The following SLC35F1 variants were observed in gnomAD, a reference collection of about 807,000 sequenced individuals.
The protein encoded by SLC35F1 is solute carrier family 35 member F1, also known as chromosome 6 open reading frame 169.
SLC35F1 carries 14 observed loss-of-function variants against 48.7 expected under a neutral mutation model. That is an observed-to-expected ratio of 0.29 (90% CI 0.19 to 0.45). The LOEUF (loss-of-function observed/expected upper bound fraction) is 0.45, where lower values mean the gene tolerates loss of function less well. Among genes scored for constraint, SLC35F1 ranks in the 20% least tolerant of loss-of-function variants. SLC35F1 has a pLI of 1.00. For missense variants in SLC35F1, 404 were observed against 500.0 expected (o/e 0.81, Z 1.83); for synonymous variants, 190 against 202.2 (o/e 0.94, Z 0.51).
At chr6:118,160,855 AT>A (rs2114479382) in intron 2 of SLC35F1, among the ~76,000 whole-genome samples, 1 of 152,210 alleles carries the variant, frequency 6.6e-6, no homozygotes, top group South Asian at 2.1e-4. Flanking sequence ...GGCATTTTAA[AT>A]AAAAATTCTT....
chr6:118,087,052 A>G (rs1372651310), intron 1 of SLC35F1, among the ~76,000 whole-genome samples: 2 of 152,100 alleles, frequency 1.3e-5, no homozygotes, highest in African/African-American at 2.4e-5. Flanking sequence ...GGGGCCCTGT[A>G]TTGCCTTGTT....
rs182027322 is a variant in SLC35F1 at position 117,965,386 on chromosome 6, A to G, written c.173+57487A>G. On this transcript the variant is annotated intron_variant, in intron 1 of 7. Coordinates refer to ENST00000360388, the MANE Select transcript of SLC35F1 (RefSeq NM_001029858.4). ...TTGAGCTACTGGCAAGCCTTTTTTC[A>G]GGCCTACCATCTCTCCTCAGTTCTT... 2.6e-3 allele frequency among the ~76,000 whole-genome samples: 397 copies of G among 152,312 alleles called. 1 individual carries two copies. Among genetic ancestry groups the G allele is most frequent in the Admixed American group, 5.6e-3 (85 of 15,304 alleles).
intron 3 of SLC35F1, among the ~76,000 whole-genome samples, chr6:118,238,426 AAATAAT>A (rs67710305): frequency 0.011 from 1,598 of 144,432 alleles, 29 homozygotes; most frequent in African/African-American, 0.034. Context: ...CCCATCTCTA[AAATAAT>A]AATAATAATA....
At chr6:118,134,400 A>G (rs1773762116) in intron 1 of SLC35F1, among the ~76,000 whole-genome samples, 2 of 152,190 alleles carry the variant, frequency 1.3e-5, no homozygotes, top group South Asian at 4.1e-4. Context: ...GGAATTAGAA[A>G]TGTTGGCTGC....
chr6:118,175,204 TTAAAG>T (rs71797344), intron 2 of SLC35F1, among the ~76,000 whole-genome samples: 53 of 152,246 alleles, frequency 3.5e-4, no homozygotes, highest in African/African-American at 1.2e-3. Flanking sequence ...GAAAGTAAAA[TTAAAG>T]TAAAGTCAAA....
chr6:118,146,238 T>C (rs969409659), intron 1 of SLC35F1, among the ~76,000 whole-genome samples: 1 of 152,224 alleles, frequency 6.6e-6, no homozygotes, highest in Non-Finnish European at 1.5e-5. Flanking sequence ...TTCTAACTAA[T>C]GGAATGAGCA....
chr6:118,272,172 T>C (rs1775859319), intron 4 of SLC35F1, among the ~76,000 whole-genome samples: 1 of 152,172 alleles, frequency 6.6e-6, no homozygotes, highest in Non-Finnish European at 1.5e-5. Context: ...AATATACAGC[T>C]GAGTGAGCCA....
intron 2 of SLC35F1, among the ~76,000 whole-genome samples, chr6:118,205,730 T>C (rs1301037114): frequency 1.3e-5 from 2 of 152,104 alleles, no homozygotes; most frequent in African/African-American, 4.8e-5. Flanking sequence ...TAGCCAAAGG[T>C]GGAAACAAGT....
intron 1 of SLC35F1, among the ~76,000 whole-genome samples, chr6:117,921,342 C>A (rs1775896247): frequency 6.6e-6 from 1 of 152,238 alleles, no homozygotes; most frequent in Non-Finnish European, 1.5e-5. Context: ...AGAACAGTCA[C>A]CCCGTAAGGG....
chr6:117,982,869 C>T (rs1776799515), intron 1 of SLC35F1, among the ~76,000 whole-genome samples: 1 of 152,024 alleles, frequency 6.6e-6, no homozygotes, highest in Non-Finnish European at 1.5e-5. Context: ...TACATAATTA[C>T]TTCTTTTAAA....
chr6:117,938,259 C>G (rs1436250802), intron 1 of SLC35F1, among the ~76,000 whole-genome samples: 1 of 152,082 alleles, frequency 6.6e-6, no homozygotes, highest in East Asian at 1.9e-4. Flanking sequence ...AGAAATGTAA[C>G]ATATAAGTAA....
chr6:118,234,637 GT>G (rs774877082), intron 2 of SLC35F1, among the ~76,000 whole-genome samples: 4 of 152,230 alleles, frequency 2.6e-5, no homozygotes, highest in East Asian at 3.9e-4. Flanking sequence ...AGTATTTCTT[GT>G]TTTAAACAGC....
At chr6:118,199,409 C>T (rs1339854244) in intron 2 of SLC35F1, among the ~76,000 whole-genome samples, 1 of 152,162 alleles carries the variant, frequency 6.6e-6, no homozygotes, top group Admixed American at 6.5e-5. Flanking sequence ...AAATTTTCTT[C>T]TGTAACAACT....
At chr6:118,221,919 G>A (rs1775156550) in intron 2 of SLC35F1, among the ~76,000 whole-genome samples, 1 of 152,086 alleles carries the variant, frequency 6.6e-6, no homozygotes, top group Non-Finnish European at 1.5e-5. Flanking sequence ...AATTTCAAAT[G>A]TCCTGTCAAT....
intron 7 of SLC35F1, among the ~76,000 whole-genome samples, chr6:118,309,992 T>C (rs1332179741): frequency 6.6e-6 from 1 of 152,224 alleles, no homozygotes; most frequent in African/African-American, 2.4e-5. Flanking sequence ...AAGAGATTCA[T>C]GAAGGTAGAA....
intron 1 of SLC35F1, among the ~76,000 whole-genome samples, chr6:118,118,707 A>G (rs1773506542): frequency 6.6e-6 from 1 of 152,146 alleles, no homozygotes; most frequent in Non-Finnish European, 1.5e-5. Flanking sequence ...GAACATTTTC[A>G]TATGTGGTGA....
chr6:118,246,364 G>C (rs1324934089), intron 3 of SLC35F1, among the ~76,000 whole-genome samples: 1 of 152,046 alleles, frequency 6.6e-6, no homozygotes, highest in Non-Finnish European at 1.5e-5. Flanking sequence ...ATTTAACAGG[G>C]GAAATTAAAT....
intron 3 of SLC35F1, among the ~76,000 whole-genome samples, chr6:118,252,237 T>TTAGACAGTC (rs1775583820): frequency 6.6e-6 from 1 of 152,128 alleles, no homozygotes; most frequent in Non-Finnish European, 1.5e-5. Context: ...GTGGATGTGA[T>TTAGACAGTC]TAGACAGTCA....
At chr6:118,287,816 G>T (rs372237) in intron 7 of SLC35F1, among the ~76,000 whole-genome samples, 82,089 of 151,434 alleles carry the variant, frequency 0.54, 22,695 homozygotes, top group African/African-American at 0.63. Context: ...GCTAATTCTC[G>T]GCAATCTATC....
Sources: allele counts gnomAD v4.1 joint callset (sites outside exome capture counted in the v4.1 genomes callset), GRCh38; gene constraint gnomAD v4.1.1; transcripts MANE v1.5; gene names NCBI Gene and HGNC (gene_info 2026-07-23, HGNC 2026-07-21).